Variants in DSG2 observed in about 807,000 individuals in gnomAD.
The protein encoded by DSG2 is desmoglein-2.
Under a neutral mutation model 75.6 loss-of-function variants are expected in DSG2, and 45 were observed. The ratio of observed to expected loss-of-function variants is 0.60; its 90% CI spans 0.47 to 0.76. The LOEUF is 0.76. Among genes scored for constraint, DSG2 ranks in the 30% least tolerant of loss-of-function variants. The pLI, the probability that DSG2 is intolerant of heterozygous loss-of-function variation, is 0.00. For synonymous variants in DSG2, 429 were observed against 483.9 expected (o/e 0.89, Z 1.49); for missense variants, 1,267 against 1,357.4 (o/e 0.93, Z 1.05).
chr18:31,506,170 A>C (rs1194282743), intron 1 of DSG2, among the ~76,000 whole-genome samples: 1 of 152,128 alleles, frequency 6.6e-6, no homozygotes, highest in Admixed American at 6.5e-5. Context: ...GTGAAACTGA[A>C]TCAAACCCAG....
chr18:31,525,193 A>C (rs1373780693), intron 8 of DSG2, among the ~76,000 whole-genome samples: 4 of 152,154 alleles, frequency 2.6e-5, no homozygotes, highest in Admixed American at 6.5e-5. Context: ...CTCACATCAC[A>C]ATCTCTTGCC....
chr18:31,502,894 C>T (rs1471869951), intron 1 of DSG2, among the ~76,000 whole-genome samples: 2 of 152,206 alleles, frequency 1.3e-5, no homozygotes, highest in African/African-American at 2.4e-5. Flanking sequence ...CCTTGTCTTT[C>T]ACTCTGACAC....
rs1419961846 is a variant in DSG2 at position 31,547,105 on chromosome 18, A to G, written c.*362A>G. On this transcript the variant is annotated 3_prime_UTR_variant, in exon 15 of 15. Transcript: ENST00000261590. ...GCCGTCCAGTAAAGCAACCCAGGAA[A>G]CTGACTGGGTCTCTTTGCCTACCGT... 1 of 370,072 alleles carries G rather than the reference A, an allele frequency of 2.7e-6. No homozygotes were observed. Among genetic ancestry groups the G allele is most frequent in the Non-Finnish European group, 5.2e-6 (1 of 193,762 alleles). The allele number at this position is 370,072 out of a possible 1,614,324, so 22.9% of individuals were successfully genotyped here. A position where few individuals can be genotyped will look rare whatever the true frequency, so the allele number is the denominator to read the frequency against.
intron 1 of DSG2, among the ~76,000 whole-genome samples, chr18:31,511,142 C>G (rs2073064124): frequency 6.6e-6 from 1 of 152,196 alleles, no homozygotes; most frequent in South Asian, 2.1e-4. Context: ...TGTCCTGACC[C>G]TGGTTATTAC....
At chr18:31,529,779 A>G (rs1349437225) in intron 8 of DSG2, among the ~76,000 whole-genome samples, 1 of 152,242 alleles carries the variant, frequency 6.6e-6, no homozygotes, top group African/African-American at 2.4e-5. Flanking sequence ...CTAAATGGTC[A>G]GAGATACTGG....
intron 1 of DSG2, among the ~76,000 whole-genome samples, chr18:31,501,602 G>A (rs774588967): frequency 1.3e-5 from 2 of 152,072 alleles, no homozygotes; most frequent in Non-Finnish European, 2.9e-5. Context: ...TCTCTTGTAG[G>A]TGCATTCATT....
At chr18:31,544,197 A>T (rs1360770536) in intron 14 of DSG2, among the ~76,000 whole-genome samples, 1 of 152,208 alleles carries the variant, frequency 6.6e-6, no homozygotes, top group Non-Finnish European at 1.5e-5. Flanking sequence ...AGAACACTCT[A>T]TGCAACAGAA....
At position 31,546,688 on chromosome 18, in the gene DSG2, C is replaced by A; in HGVS notation, c.3302C>A (p.Thr1101Asn). 6.2e-7 allele frequency: 1 copy of A among 1,614,190 alleles called. No homozygotes were observed. Among genetic ancestry groups the A allele is most frequent in the Non-Finnish European group, 8.5e-7 (1 of 1,180,028 alleles). The change falls in exon 15 of 15, where the codon ACC (threonine) becomes AAC (asparagine). Residue 1101 changes from threonine (T) to asparagine (N), a missense_variant. Transcript: ENST00000261590. ...EESGHSNSTI[T>N]TSSTRVTKHS... ...TCTGGTCATTCTAATTCTACCATAA[C>A]CACATCTTCCACCAGAGTTACCAAG...
chr18:31,520,751 T>C, intron 3 of DSG2, 52 bp from the exon 4 acceptor site: 8 of 1,581,844 alleles, frequency 5.1e-6, no homozygotes, highest in Non-Finnish European at 6.9e-6. Flanking sequence ...AGATCAAATC[T>C]AGTAAATTAC....
At position 31,530,974 on chromosome 18, in the gene DSG2, T is replaced by C; in HGVS notation, c.1015-13T>C. On this transcript the variant is annotated splice_polypyrimidine_tract_variant and intron_variant, in intron 8 of 14. Coordinates refer to ENST00000261590, the MANE Select transcript of DSG2 (RefSeq NM_001943.5). The stretch of plus-strand genomic sequence containing the variant: ...TCTCTTTGAAAAGAATTCCCTTTGG[T>C]TTTCCCTTTCAGGAAGTAGATTATG... 2 of 1,613,598 alleles carry C rather than the reference T, an allele frequency of 1.2e-6. No homozygotes were observed. The highest frequency in any genetic ancestry group is 1.7e-6 in the Non-Finnish European group (2 of 1,179,826).
intron 5 of DSG2, among the ~76,000 whole-genome samples, chr18:31,521,467 G>A (rs901777249): frequency 2.0e-4 from 30 of 152,164 alleles, no homozygotes; most frequent in African/African-American, 6.7e-4. Flanking sequence ...GATGGATAAG[G>A]TCTCTGTAGC....
intron 1 of DSG2, among the ~76,000 whole-genome samples, chr18:31,506,663 C>CACTCCAA (rs1450828292): frequency 6.6e-6 from 1 of 152,136 alleles, no homozygotes; most frequent in Non-Finnish European, 1.5e-5. Flanking sequence ...TATATTGCAG[C>CACTCCAA]AAAAGAGTGG....
intron 1 of DSG2, among the ~76,000 whole-genome samples, chr18:31,508,687 C>T (rs1428960613): frequency 1.3e-5 from 2 of 152,282 alleles, no homozygotes; most frequent in South Asian, 2.1e-4. Context: ...AGCTTACAGG[C>T]GTGAGCCACT....
intron 8 of DSG2, among the ~76,000 whole-genome samples, chr18:31,528,901 T>C (rs1416736906): frequency 6.6e-6 from 1 of 151,872 alleles, no homozygotes; most frequent in East Asian, 1.9e-4. Context: ...TAAAGGAACT[T>C]TTGGGGGTGA....
At chr18:31,514,537 C>T (rs138292819) in intron 1 of DSG2, among the ~76,000 whole-genome samples, 52 of 152,290 alleles carry the variant, frequency 3.4e-4, no homozygotes, top group African/African-American at 1.2e-3. Context: ...ATGGATAAGG[C>T]AGACTTCATT....
chr18:31,519,717 T>C, intron 2 of DSG2, 86 bp from the exon 3 acceptor site: 2 of 1,460,096 alleles, frequency 1.4e-6, no homozygotes, highest in Non-Finnish European at 1.9e-6. Flanking sequence ...TTGCACTATT[T>C]AAAAGTTTAT....
rs774501492 is a variant in DSG2 at position 31,531,267 on chromosome 18, C to T, written c.1280+15C>T. 22 of 1,613,644 alleles carry T rather than the reference C, an allele frequency of 1.4e-5. No homozygotes were observed. The highest frequency in any genetic ancestry group is 1.9e-5 in the Non-Finnish European group (22 of 1,179,766). ...GCCCATGCAAGGTAAGAGAGAGTGA[C>T]ACGTGTATTTCTTTATTTTAAATTA... is the stretch of plus-strand genomic sequence containing the variant. On this transcript the variant is annotated intron_variant, in intron 9 of 14. Coordinates refer to ENST00000261590, the MANE Select transcript of DSG2 (RefSeq NM_001943.5).
chr18:31,545,329 C>A (rs1430507136), intron 14 of DSG2, among the ~76,000 whole-genome samples: 2 of 152,232 alleles, frequency 1.3e-5, no homozygotes, highest in East Asian at 3.8e-4. Context: ...CACACACATT[C>A]TCTTACATTA....
chr18:31,498,405 C>G (rs1484777621), intron 1 of DSG2, 109 bp downstream of exon 1: 1 of 1,156,034 alleles, frequency 8.7e-7, no homozygotes, highest in Non-Finnish European at 1.1e-6. Flanking sequence ...CGTTACCTGC[C>G]CGGCGCTCCT....
Sources: gnomAD v4.1 joint callset for allele counts (sites outside exome capture counted in the v4.1 genomes callset) on GRCh38, gnomAD v4.1.1 for gene constraint, MANE v1.5 for transcripts, NCBI Gene and HGNC (gene_info 2026-07-23, HGNC 2026-07-21) for gene names.